SGCE: variants seen among roughly 807,000 people sequenced by gnomAD.
The protein encoded by SGCE is sarcoglycan epsilon.
A neutral mutation model predicts 57.8 loss-of-function variants in SGCE; 26 were observed. The ratio of observed to expected loss-of-function variants is 0.45; its 90% CI spans 0.33 to 0.62. SGCE has a LOEUF of 0.62. SGCE is among the 20% of genes least tolerant of loss of function. SGCE has a pLI of 0.02. For synonymous variants in SGCE, 183 were observed against 189.5 expected (o/e 0.97, Z 0.28); for missense variants, 468 against 548.6 (o/e 0.85, Z 1.47).
rs749444131 is a variant in SGCE at position 94,628,364 on chromosome 7, A to T, written c.233-5T>A. On this transcript the variant is annotated splice_region_variant and splice_polypyrimidine_tract_variant and intron_variant, in intron 2 of 10. Coordinates refer to ENST00000648936, the MANE Select transcript of SGCE (RefSeq NM_003919.3). ...TGGGATCATTACTAATCTCGCCTAG[A>T]TAAGAAACAGAGAATTAAGACATAA... 6.2e-7 allele frequency: 1 copy of T among 1,603,364 alleles called. No homozygotes were observed. The highest frequency in any genetic ancestry group is 1.1e-5 in the South Asian group (1 of 90,760).
intron 5 of SGCE, among the ~76,000 whole-genome samples, chr7:94,609,719 G>A (rs555101232): frequency 6.4e-4 from 97 of 152,332 alleles, no homozygotes; most frequent in Middle Eastern, 3.4e-3. Context: ...TCAAATGCTG[G>A]CAAGGATGTG....
At position 94,640,235 on chromosome 7, in the gene SGCE, A is replaced by T. The variant is rs556806947; in HGVS notation, c.110-10394T>A. Among the ~76,000 whole-genome samples, 3 of 152,194 alleles carry T rather than the reference A, an allele frequency of 2.0e-5. No homozygotes were observed. The South Asian group carries it at 6.2e-4, about 31-fold the overall frequency. ...ACTAGTTGGACATCTAGGTGAAACT[A>T]TCTGAGAAGAAGAAGATAATGTAAT... On this transcript the variant is annotated intron_variant, in intron 1 of 10. Coordinates refer to ENST00000648936, the MANE Select transcript of SGCE (RefSeq NM_003919.3).
chr7:94,588,994 G>A (rs895434320), intron 9 of SGCE: 1 of 474,352 alleles, frequency 2.1e-6, no homozygotes, highest in Non-Finnish European at 3.8e-6. Context: ...CTAAGAGGTA[G>A]GTGTTAATAT....
At chr7:94,632,966 C>T (rs1204970135) in intron 1 of SGCE, among the ~76,000 whole-genome samples, 3 of 152,098 alleles carry the variant, frequency 2.0e-5, no homozygotes, top group African/African-American at 7.2e-5. Flanking sequence ...AAACCATAAG[C>T]TTAAAGCATG....
chr7:94,605,171 C>T (rs1286316218), intron 5 of SGCE, among the ~76,000 whole-genome samples: 1 of 151,966 alleles, frequency 6.6e-6, no homozygotes, highest in Non-Finnish European at 1.5e-5. Context: ...ACACCGGAAT[C>T]AGATATGGCA....
At chr7:94,588,271 C>T (rs1342061128) in intron 10 of SGCE, 6 of 1,042,988 alleles carry the variant, frequency 5.8e-6, no homozygotes, top group South Asian at 7.5e-5. Flanking sequence ...CTCATTTATC[C>T]CCCTGAAGCC....
intron 1 of SGCE, among the ~76,000 whole-genome samples, chr7:94,631,034 C>T (rs1346155335): frequency 6.6e-6 from 1 of 151,942 alleles, no homozygotes; most frequent in Non-Finnish European, 1.5e-5. Flanking sequence ...CTTCACGTAT[C>T]TACAGATTTA....
chr7:94,615,587 A>G (rs1259410052), intron 5 of SGCE, among the ~76,000 whole-genome samples: 4 of 152,156 alleles, frequency 2.6e-5, no homozygotes, highest in Non-Finnish European at 5.9e-5. Flanking sequence ...TACAGCAAAA[A>G]GCAGACAATC....
chr7:94,648,010 G>A (rs1010434382), intron 1 of SGCE, among the ~76,000 whole-genome samples: 2 of 152,122 alleles, frequency 1.3e-5, no homozygotes, highest in South Asian at 2.1e-4. Flanking sequence ...CACGATAGCC[G>A]AGCTGTGTAT....
rs892277057 is a variant in SGCE at position 94,601,009 on chromosome 7, A to C, written c.826-152T>G. 7 of 698,038 alleles carry C rather than the reference A, an allele frequency of 1.0e-5. No individual in the cohort carries two copies. The African/African-American group carries it at 1.2e-4, about 12-fold the overall frequency. The allele number at this position is 698,038 out of a possible 1,614,324, so 43.2% of individuals were successfully genotyped here. ...TCACCTCTTGAATTTGCAAGTATTTATTGGAGGTAGGGAATGTAACAAATG... is the reference window on the plus strand; with the variant it reads ...TCACCTCTTGAATTTGCAAGTATTTCTTGGAGGTAGGGAATGTAACAAATG... On this transcript the variant is annotated intron_variant, in intron 6 of 10. Transcript: ENST00000648936.
chr7:94,587,408 ATAAT>A, intron 10 of SGCE: 2 of 1,130,890 alleles, frequency 1.8e-6, no homozygotes, highest in African/African-American at 1.6e-5. Flanking sequence ...CATGCCTGAA[ATAAT>A]TAAGAATCAG....
rs558089736 is a variant in SGCE, at chr7:94,596,299, G to A, written c.1253+2476C>T. Among the ~76,000 whole-genome samples the A allele has an allele frequency of 1.2e-4, 19 of 152,162 alleles. 1 individual carries two copies. Among genetic ancestry groups the A allele is most frequent in the Admixed American group, 1.1e-3 (17 of 15,286 alleles). On this transcript the variant is annotated intron_variant, in intron 9 of 10. Coordinates refer to ENST00000648936, the MANE Select transcript of SGCE (RefSeq NM_003919.3). ...AGGGAATCAAAATACTTTTTAAGGAGCTATTCTTATTTTCAATATATGTGG... is the reference window on the plus strand; with the variant it reads ...AGGGAATCAAAATACTTTTTAAGGAACTATTCTTATTTTCAATATATGTGG...
At chr7:94,611,443 C>T (rs900491444) in intron 5 of SGCE, among the ~76,000 whole-genome samples, 2 of 126,510 alleles carry the variant, frequency 1.6e-5, no homozygotes, top group African/African-American at 6.0e-5. Flanking sequence ...AGAATAGGCA[C>T]ATTTATAGAG....
chr7:94,625,333 T>C (rs1803521437), intron 3 of SGCE: 1 of 152,036 alleles, frequency 6.6e-6, no homozygotes, highest in South Asian at 2.1e-4. Context: ...TAAGTCACTA[T>C]ATTATATGAA....
chr7:94,617,901 A>C (rs1048533870), intron 5 of SGCE: 5 of 152,246 alleles, frequency 3.3e-5, no homozygotes, highest in African/African-American at 1.2e-4. Context: ...TCACCTGTAT[A>C]AAAGTGTTTC....
intron 1 of SGCE, among the ~76,000 whole-genome samples, chr7:94,634,778 C>T (rs1207077340): frequency 6.6e-6 from 1 of 152,162 alleles, no homozygotes; most frequent in Non-Finnish European, 1.5e-5. Flanking sequence ...GATGATCTTA[C>T]TATACTTGAG....
intron 5 of SGCE, 116 bp from the exon 6 acceptor site, chr7:94,603,568 C>A: frequency 1.1e-6 from 1 of 931,494 alleles, no homozygotes. Context: ...TAGACTCATC[C>A]CTGAGGTAGG....
intron 10 of SGCE, chr7:94,588,151 G>A (rs1265720669): frequency 7.1e-6 from 8 of 1,120,458 alleles, no homozygotes; most frequent in Non-Finnish European, 8.7e-6. Context: ...AATAAAGAAA[G>A]CAAGTCTTAG....
chr7:94,592,184 A>G (rs1040168598), intron 9 of SGCE, among the ~76,000 whole-genome samples: 10 of 152,320 alleles, frequency 6.6e-5, no homozygotes, highest in African/African-American at 2.2e-4. Flanking sequence ...GAATGTATCT[A>G]TGATGGGCAT....
Sources: allele counts gnomAD v4.1 joint callset (sites outside exome capture counted in the v4.1 genomes callset), GRCh38; gene constraint gnomAD v4.1.1; transcripts MANE v1.5; gene names NCBI Gene and HGNC (gene_info 2026-07-23, HGNC 2026-07-21).